Variants in GALNTL6 observed in about 807,000 individuals in gnomAD.
The protein encoded by GALNTL6 is polypeptide N-acetylgalactosaminyltransferase like 6.
A neutral mutation model predicts 73.7 loss-of-function variants in GALNTL6; 46 were observed. The observed-to-expected ratio is 0.62, with a 90% CI of 0.49 to 0.80. GALNTL6 has a LOEUF of 0.80. GALNTL6 is among the 30% of genes least tolerant of loss of function. The pLI is 0.00. For missense variants in GALNTL6, 604 were observed against 755.0 expected, an observed-to-expected ratio of 0.80 and a Z score of 2.34; for synonymous variants, 259 against 263.7, an observed-to-expected ratio of 0.98 and a Z score of 0.17.
chr4:171,984,074 C>T (rs1237234188), intron 2 of GALNTL6, among the ~76,000 whole-genome samples: 1 of 152,092 alleles, frequency 6.6e-6, no homozygotes, highest in East Asian at 1.9e-4. Context: ...TGACCACTCC[C>T]ATCCAGATGC....
intron 4 of GALNTL6, among the ~76,000 whole-genome samples, chr4:172,326,335 T>A (rs940864022): frequency 1.3e-5 from 2 of 152,004 alleles, no homozygotes; most frequent in East Asian, 3.8e-4. Context: ...AAATTATCTG[T>A]ATTTACTTAC....
intron 2 of GALNTL6, among the ~76,000 whole-genome samples, chr4:172,214,630 T>A (rs1736439460): frequency 6.6e-6 from 1 of 151,876 alleles, no homozygotes; most frequent in Non-Finnish European, 1.5e-5. Context: ...TTCTCCTGCT[T>A]CAGCCTCCTA....
intron 12 of GALNTL6, among the ~76,000 whole-genome samples, 189 bp downstream of exon 12, chr4:173,021,814 G>A (rs555241038): frequency 1.3e-5 from 2 of 151,952 alleles, no homozygotes; most frequent in South Asian, 2.1e-4. Context: ...CCAACATAGC[G>A]AAACCCCATC....
At chr4:172,716,062 G>A (rs2332547) in intron 5 of GALNTL6, among the ~76,000 whole-genome samples, 22,335 of 151,878 alleles carry the variant, frequency 0.15, 1,906 homozygotes, top group East Asian at 0.26. Context: ...TTTTGCTCCC[G>A]CACCCCACCC....
chr4:172,681,752 G>T (rs1732643234), intron 5 of GALNTL6, among the ~76,000 whole-genome samples: 1 of 152,136 alleles, frequency 6.6e-6, no homozygotes, highest in Admixed American at 6.5e-5. Context: ...AGAACCTGAA[G>T]GTAAAGATTT....
At chr4:172,038,145 T>G (rs1313941596) in intron 2 of GALNTL6, among the ~76,000 whole-genome samples, 1 of 151,746 alleles carries the variant, frequency 6.6e-6, no homozygotes, top group Admixed American at 6.6e-5. Context: ...AATTTAGAGA[T>G]AATTTTCTCA....
intron 2 of GALNTL6, among the ~76,000 whole-genome samples, chr4:171,833,121 A>G (rs1258721408): frequency 1.3e-5 from 2 of 151,774 alleles, no homozygotes; most frequent in Non-Finnish European, 3.0e-5. Context: ...AAGTATGTAA[A>G]TGGACAAAAT....
At chr4:172,293,156 A>T (rs889490730) in intron 3 of GALNTL6, among the ~76,000 whole-genome samples, 1 of 152,058 alleles carries the variant, frequency 6.6e-6, no homozygotes, top group African/African-American at 2.4e-5. Context: ...ACTCCACCCC[A>T]TCTCCAACCA....
At chr4:171,865,317 TACAG>T (rs1735941830) in intron 2 of GALNTL6, among the ~76,000 whole-genome samples, 1 of 151,948 alleles carries the variant, frequency 6.6e-6, no homozygotes, top group Admixed American at 6.6e-5. Context: ...TGAGCAGAAA[TACAG>T]ATAGGGTGAG....
At chr4:172,418,718 G>A (rs1316165044) in intron 5 of GALNTL6, among the ~76,000 whole-genome samples, 1 of 152,080 alleles carries the variant, frequency 6.6e-6, no homozygotes, top group Non-Finnish European at 1.5e-5. Flanking sequence ...TAGCATTCTT[G>A]CATGTTTTCA....
chr4:172,156,165 C>T (rs1050298359), intron 2 of GALNTL6, among the ~76,000 whole-genome samples: 3 of 151,938 alleles, frequency 2.0e-5, no homozygotes, highest in Non-Finnish European at 4.4e-5. Flanking sequence ...AGGAAGTGTC[C>T]GAGTCTGAAG....
chr4:172,812,364 G>C (rs538862030), intron 6 of GALNTL6, among the ~76,000 whole-genome samples: 1 of 152,308 alleles, frequency 6.6e-6, no homozygotes, highest in Non-Finnish European at 1.5e-5. Flanking sequence ...TGTGCTAAAT[G>C]ATATCTGTTG....
intron 2 of GALNTL6, among the ~76,000 whole-genome samples, chr4:172,126,133 A>C (rs1021793563): frequency 1.3e-5 from 2 of 152,168 alleles, no homozygotes; most frequent in African/African-American, 4.8e-5. Flanking sequence ...ATTTTTTAGA[A>C]ACATGCTTCC....
intron 5 of GALNTL6, among the ~76,000 whole-genome samples, chr4:172,462,674 G>C (rs1248252807): frequency 2.0e-5 from 3 of 152,092 alleles, no homozygotes; most frequent in Admixed American, 2.0e-4. Flanking sequence ...AAGAGTACTG[G>C]ATTATATATT....
intron 7 of GALNTL6, among the ~76,000 whole-genome samples, chr4:172,829,918 G>A (rs1742528219): frequency 1.3e-5 from 2 of 152,088 alleles, no homozygotes; most frequent in South Asian, 4.1e-4. Flanking sequence ...AGAATGCTGA[G>A]TCTAAAAAAT....
intron 3 of GALNTL6, among the ~76,000 whole-genome samples, chr4:172,261,720 T>C (rs1579310456): frequency 6.6e-6 from 1 of 151,404 alleles, no homozygotes. Context: ...TCAGACTTTT[T>C]GATGTAGGCA....
chr4:172,478,865 A>C (rs1733336933), intron 5 of GALNTL6, among the ~76,000 whole-genome samples: 1 of 152,200 alleles, frequency 6.6e-6, no homozygotes, highest in Non-Finnish European at 1.5e-5. Context: ...ATGAACAGAC[A>C]GTTCTCAAAA....
intron 2 of GALNTL6, among the ~76,000 whole-genome samples, chr4:171,860,756 C>T (rs1450428213): frequency 6.6e-6 from 1 of 152,074 alleles, no homozygotes; most frequent in African/African-American, 2.4e-5. Context: ...TAATATGGAT[C>T]TGTTTCGGTT....
intron 5 of GALNTL6, among the ~76,000 whole-genome samples, chr4:172,540,354 A>G (rs1735508250): frequency 6.6e-6 from 1 of 152,104 alleles, no homozygotes; most frequent in African/African-American, 2.4e-5. Context: ...GCTTTCATTT[A>G]AACTCAGTCA....
Sources: gnomAD v4.1 joint callset for allele counts (sites outside exome capture counted in the v4.1 genomes callset) on GRCh38, gnomAD v4.1.1 for gene constraint, MANE v1.5 for transcripts, NCBI Gene and HGNC (gene_info 2026-07-23, HGNC 2026-07-21) for gene names.